The following TEX22 variants were observed in gnomAD, a reference collection of about 807,000 sequenced individuals.
TEX22 encodes the protein testis expressed 22, also known as testis-expressed protein 22.
Under a neutral mutation model 11.3 loss-of-function variants are expected in TEX22, and 16 were observed. The observed-to-expected ratio is 1.42, with a 90% CI of 0.96 to 2.15. The LOEUF is 2.15. Among genes scored for constraint, TEX22 ranks in the 30% most tolerant of loss-of-function variants. TEX22 has a pLI of 0.00. For synonymous variants in TEX22, 97 were observed against 92.3 expected, an observed-to-expected ratio of 1.05 and a Z score of -0.29; for missense variants, 220 against 208.6, an observed-to-expected ratio of 1.05 and a Z score of -0.34.
chr14:105,412,040 GGAGGGGAACACTGCCCCGGGTCAGTCTGA>G lies in TEX22; in HGVS notation c.*213_*241del. ...TAGGGGCTATGGGAGGCCATCTAGGGGAGGGGAACACTGCCCCGGGTCAGTCTGAGAGGGCCCTGGCAAGGCCTGGGTAG... is the reference window on the plus strand; with the variant it reads ...TAGGGGCTATGGGAGGCCATCTAGGGGAGGGCCCTGGCAAGGCCTGGGTAG... On this transcript the variant is annotated 3_prime_UTR_variant, in exon 4 of 4. Coordinates refer to ENST00000451127, the MANE Select transcript of TEX22 (RefSeq NM_001195082.2). The surrounding 1 kb of genome is among the most constrained non-coding windows in gnomAD (Gnocchi z 5.8). The G allele has an allele frequency of 2.2e-6, 1 of 459,936 alleles. No homozygotes were observed. Among genetic ancestry groups the G allele is most frequent in the Non-Finnish European group, 3.7e-6 (1 of 266,714 alleles). The allele number at this position is 459,936 out of a possible 1,614,324, so 28.5% of individuals were successfully genotyped here. A position where few individuals can be genotyped will look rare whatever the true frequency, so the allele number is the denominator to read the frequency against.
At chr14:105,408,524 A>G (rs587671613) in intron 2 of TEX22, among the ~76,000 whole-genome samples, 4 of 152,310 alleles carry the variant, frequency 2.6e-5, no homozygotes, top group East Asian at 3.9e-4. Flanking sequence ...CCTGGGTTCA[A>G]GCAATTCTCC....
In TEX22 at chr14:105,407,408, G is replaced by T. The variant is rs145865958; in HGVS notation, c.151-3960G>T. Among the ~76,000 whole-genome samples, 12 of 151,736 alleles carry T rather than the reference G, an allele frequency of 7.9e-5. No individual in the cohort carries two copies. The East Asian group carries it at 2.3e-3, about 30-fold the overall frequency. ...TTTAGAGATGGGATCTCACTTTGTT[G>T]TCTAGGCTAGAGTGCAGCGTGTGGC... On this transcript the variant is annotated intron_variant, in intron 2 of 3. Coordinates refer to ENST00000451127, the MANE Select transcript of TEX22 (RefSeq NM_001195082.2).
rs1555419436 is a variant in TEX22, at chr14:105,411,802, C to CT, written c.425dup (p.Glu143ArgfsTer48). 8 of 1,462,024 alleles carry CT rather than the reference C, an allele frequency of 5.5e-6. No individual in the cohort carries two copies. The highest frequency in any genetic ancestry group is 2.3e-5 in the Admixed American group (1 of 44,402). The allele number at this position is 1,462,024 out of a possible 1,614,324, so 90.6% of individuals were successfully genotyped here. A position where few individuals can be genotyped will look rare whatever the true frequency, so the allele number is the denominator to read the frequency against. Reference sequence around the variant, plus strand: ...AGTGCGCCTTTCTGGCATAATGCGACTTTCGAGGCCTCGAGGTCACCCCCT... The same window carrying CT: ...AGTGCGCCTTTCTGGCATAATGCGACTTTTCGAGGCCTCGAGGTCACCCCCT... On this transcript the variant is annotated frameshift_variant, in exon 4 of 4. Coordinates refer to ENST00000451127, the MANE Select transcript of TEX22 (RefSeq NM_001195082.2). LOFTEE classifies it high-confidence loss of function.
At chr14:105,404,894 C>G (rs2081650890) in intron 2 of TEX22, among the ~76,000 whole-genome samples, 1 of 152,162 alleles carries the variant, frequency 6.6e-6, no homozygotes, top group Admixed American at 6.5e-5. Context: ...CTGACAGTCA[C>G]TGGATGTCAC....
chr14:105,402,529 C>A (rs374029596), intron 2 of TEX22, among the ~76,000 whole-genome samples: 3 of 150,636 alleles, frequency 2.0e-5, no homozygotes, highest in Non-Finnish European at 2.9e-5. Context: ...CTGGGGCGGG[C>A]AGATCACAAG....
Position 105,405,788 on chromosome 14 carries a change from T to C in TEX22, c.151-5580T>C, listed in dbSNP as rs1425450748. 4.6e-5 allele frequency among the ~76,000 whole-genome samples: 7 copies of C among 152,388 alleles called. No individual in the cohort carries two copies. The East Asian group carries it at 1.3e-3, about 29-fold the overall frequency. Reference sequence around the variant, plus strand: ...GAAGTAAACAAGATATTGCCAATATTCATTAAAGTATAATTTGAAAAAATA... The same window carrying C: ...GAAGTAAACAAGATATTGCCAATATCCATTAAAGTATAATTTGAAAAAATA... On this transcript the variant is annotated intron_variant, in intron 2 of 3. Transcript: ENST00000451127.
chr14:105,401,578 C>G (rs113109970), intron 2 of TEX22, among the ~76,000 whole-genome samples: 6,796 of 99,156 alleles, frequency 0.069, 728 homozygotes, highest in African/African-American at 0.26. Flanking sequence ...ACCGGGGACT[C>G]TTGTGGGGTG....
chr14:105,412,182 G>A lies in TEX22; in HGVS notation c.*349G>A. ...ACTGGTGTCCTGGGAAGCCCCAGTG[G>A]CAGGCGCTGCCTGGAGACTCAGCTC... On this transcript the variant is annotated 3_prime_UTR_variant, in exon 4 of 4. Transcript: ENST00000451127. The surrounding 1 kb of genome is among the most constrained non-coding windows in gnomAD (Gnocchi z 5.8). 4.8e-6 allele frequency: 1 copy of A among 208,110 alleles called. No homozygotes were observed. Among genetic ancestry groups the A allele is most frequent in the Non-Finnish European group, 9.6e-6 (1 of 104,504 alleles). 12.9% of individuals were successfully genotyped at this position (208,110 alleles called of 1,614,324 possible). A position where few individuals can be genotyped will look rare whatever the true frequency, so the allele number is the denominator to read the frequency against.
In TEX22 at chr14:105,411,867, G is replaced by A. The variant is rs1358327918; in HGVS notation, c.*34G>A. 1 of 1,372,310 alleles carries A rather than the reference G, an allele frequency of 7.3e-7. No individual in the cohort carries two copies. The highest frequency in any genetic ancestry group is 9.4e-7 in the Non-Finnish European group (1 of 1,060,064). The allele number at this position is 1,372,310 out of a possible 1,614,324, so 85.0% of individuals were successfully genotyped here. ...TTCAGCCCATTGTCTGTCTTCCAGT[G>A]CCTTTCCTTGGGGGCCCACGGTGGG... On this transcript the variant is annotated 3_prime_UTR_variant, in exon 4 of 4. Coordinates refer to ENST00000451127, the MANE Select transcript of TEX22 (RefSeq NM_001195082.2).
chr14:105,407,069 AT>A (rs10715186), intron 2 of TEX22, among the ~76,000 whole-genome samples: 94,091 of 116,056 alleles, frequency 0.81, 39,755 homozygotes, highest in East Asian at 0.94. Flanking sequence ...TAATTTCTTA[AT>A]TTTTTTTTTT....
intron 2 of TEX22, among the ~76,000 whole-genome samples, chr14:105,404,310 TGA>T (rs1555418705): frequency 1.8e-4 from 28 of 152,030 alleles, no homozygotes; most frequent in African/African-American, 6.5e-4. Context: ...CCAGAGTGAG[TGA>T]GTGGAGAGAG....
At position 105,411,993 on chromosome 14, in the gene TEX22, G is replaced by A; in HGVS notation, c.*160G>A. ...ACCTGGCTCCGGACAGCCTGCAGCT[G>A]CTGAGGCCTTGGAGACCGGGCTAGG... On this transcript the variant is annotated 3_prime_UTR_variant, in exon 4 of 4. Coordinates refer to ENST00000451127, the MANE Select transcript of TEX22 (RefSeq NM_001195082.2). 2 of 693,800 alleles carry A rather than the reference G, an allele frequency of 2.9e-6. No individual in the cohort carries two copies. The highest frequency in any genetic ancestry group is 4.7e-5 in the South Asian group (2 of 42,944). 43.0% of individuals were successfully genotyped at this position (693,800 alleles called of 1,614,324 possible). A position where few individuals can be genotyped will look rare whatever the true frequency, so the allele number is the denominator to read the frequency against.
chr14:105,399,292 C>CA lies in TEX22; in HGVS notation c.-39-10_-39-9insA. Reference sequence around the variant, plus strand: ...GGCCCCGCCCCACCTCCCCCTGCTCCTACCCCCAGATCTCAGAGGTGTGGA... The same window carrying CA: ...GGCCCCGCCCCACCTCCCCCTGCTCCATACCCCCAGATCTCAGAGGTGTGGA... On this transcript the variant is annotated splice_polypyrimidine_tract_variant and intron_variant, in intron 1 of 3. Coordinates refer to ENST00000451127, the MANE Select transcript of TEX22 (RefSeq NM_001195082.2). 6.7e-7 allele frequency: 1 copy of CA among 1,485,598 alleles called. No individual in the cohort carries two copies. The highest frequency in any genetic ancestry group is 9.0e-7 in the Non-Finnish European group (1 of 1,114,588). 92.0% of individuals were successfully genotyped at this position (1,485,598 alleles called of 1,614,324 possible). A position where few individuals can be genotyped will look rare whatever the true frequency, so the allele number is the denominator to read the frequency against.
chr14:105,408,302 C>T (rs587775584), intron 2 of TEX22, among the ~76,000 whole-genome samples: 4 of 150,792 alleles, frequency 2.7e-5, no homozygotes, highest in South Asian at 2.1e-4. Flanking sequence ...AGTGCAGTGG[C>T]GTGATCTTGG....
At chr14:105,403,140 C>T (rs368697125) in intron 2 of TEX22, among the ~76,000 whole-genome samples, 4 of 152,160 alleles carry the variant, frequency 2.6e-5, no homozygotes, top group South Asian at 2.1e-4. Context: ...TTTCTTATAT[C>T]GAGGTCTTAT....
intron 2 of TEX22, among the ~76,000 whole-genome samples, chr14:105,402,577 A>AC (rs1434282113): frequency 1.3e-5 from 2 of 151,524 alleles, no homozygotes; most frequent in African/African-American, 4.9e-5. Flanking sequence ...ACACGGTGAA[A>AC]CCCCGTCTCT....
intron 2 of TEX22, 129 bp from the exon 3 acceptor site, chr14:105,411,239 G>A (rs1172290055): frequency 2.8e-6 from 3 of 1,066,774 alleles, no homozygotes; most frequent in South Asian, 4.0e-5. Flanking sequence ...CTGGAGCAGC[G>A]GGAGGCTGAG....
At position 105,402,520 on chromosome 14, in the gene TEX22, T is replaced by A. The variant is rs144794255; in HGVS notation, c.150+3030T>A. 6.0e-5 allele frequency among the ~76,000 whole-genome samples: 9 copies of A among 150,972 alleles called. No individual in the cohort carries two copies. The South Asian group carries it at 8.3e-4, about 14-fold the overall frequency. ...CTGTAATCCCAGCACTTTGGGAGGC[T>A]GGGGCGGGCAGATCACAAGGTCTGG... On this transcript the variant is annotated intron_variant, in intron 2 of 3. Transcript: ENST00000451127.
intron 2 of TEX22, among the ~76,000 whole-genome samples, chr14:105,401,954 G>C (rs2081629323): frequency 6.6e-6 from 1 of 152,224 alleles, no homozygotes; most frequent in Admixed American, 6.5e-5. Flanking sequence ...AGGAGGCCGA[G>C]GCAGGCGGAT....
Sources: allele counts gnomAD v4.1 joint callset (sites outside exome capture counted in the v4.1 genomes callset), GRCh38; gene constraint gnomAD v4.1.1; non-coding constraint Gnocchi (gnomAD v3.1); transcripts MANE v1.5; gene names NCBI Gene and HGNC (gene_info 2026-07-23, HGNC 2026-07-21).